The following HNMT variants were observed in gnomAD, a reference collection of about 807,000 sequenced individuals.
The protein encoded by HNMT is histamine N-methyltransferase.
In HNMT, 30 loss-of-function variants were observed where a neutral mutation model predicts 32.1. That is an observed-to-expected ratio of 0.93 (90% CI 0.70 to 1.27). The LOEUF is 1.27. Ranked by LOEUF, HNMT falls within the 50% of genes most tolerant of loss-of-function variation. The probability of loss-of-function intolerance (pLI) is 0.00; values close to 1 mark genes in which losing one functional copy is unlikely to be tolerated. For synonymous variants in HNMT, 125 were observed against 119.0 expected (o/e 1.05, Z -0.33); for missense variants, 327 against 346.0 (o/e 0.95, Z 0.43).
rs1309367246 is a variant in HNMT, at chr2:137,989,618, G to C, written c.191-11300G>C. Among the ~76,000 whole-genome samples, 3 of 152,312 alleles carry C rather than the reference G, an allele frequency of 2.0e-5. No individual in the cohort carries two copies. The East Asian group carries it at 5.8e-4, about 29-fold the overall frequency. On this transcript the variant is annotated intron_variant, in intron 2 of 5. Transcript: ENST00000280097. ...AACTCCTTTGGGTAGAAACCAAGGA[G>C]CTTGATTACTGAATCATATGGTAAG... is the stretch of plus-strand genomic sequence containing the variant.
rs758713610 is a variant in HNMT, at chr2:138,000,935, A to C, written c.208A>C (p.Ile70Leu). Reference protein sequence around the residue: ...GGGAGEIDLQILSKVQAQYPG... With the variant: ...GGGAGEIDLQLLSKVQAQYPG... ...TCTTCTAGGTGAAATTGATCTTCAA[A>C]TTCTCTCCAAAGTTCAGGCTCAATA... The change falls in exon 3 of 6, where the codon ATT becomes CTT. Residue 70 changes from isoleucine (I) to leucine (L), a missense_variant. By Grantham distance (5) the Ile-to-Leu change is conservative. Coordinates refer to ENST00000280097, the MANE Select transcript of HNMT (RefSeq NM_006895.3). 5.6e-6 allele frequency: 9 copies of C among 1,601,510 alleles called. No homozygotes were observed. Among genetic ancestry groups the C allele is most frequent in the Non-Finnish European group, 7.7e-6 (9 of 1,172,582 alleles).
intron 2 of HNMT, among the ~76,000 whole-genome samples, chr2:137,995,958 A>T (rs781465166): frequency 1.3e-5 from 2 of 152,224 alleles, no homozygotes; most frequent in Non-Finnish European, 2.9e-5. Context: ...GCCTTTGATA[A>T]AATTAAACTA....
chr2:137,987,074 C>G (rs1009800054), intron 2 of HNMT, among the ~76,000 whole-genome samples: 4 of 152,198 alleles, frequency 2.6e-5, no homozygotes, highest in Non-Finnish European at 5.9e-5. Context: ...AAAATTATTT[C>G]TCTATTTGTC....
At chr2:137,993,879 G>GA (rs886460494) in intron 2 of HNMT, among the ~76,000 whole-genome samples, 36 of 149,508 alleles carry the variant, frequency 2.4e-4, no homozygotes, top group African/African-American at 7.1e-4. Flanking sequence ...CATTCTTAAA[G>GA]AAAAAAAAAA....
In HNMT at chr2:138,005,144, G is replaced by A. The variant is rs1219017531; in HGVS notation, c.442G>A (p.Val148Ile). Residue 148 changes from valine (V) to isoleucine (I), a missense_variant, in exon 5 of 6, where the codon GTA (valine) becomes ATA (isoleucine). Val to Ile is a conservative substitution (Grantham distance 29, BLOSUM62 3). Coordinates refer to ENST00000280097, the MANE Select transcript of HNMT (RefSeq NM_006895.3). ...TCCTCCTTTCTAGATGCTGTATTAT[G>A]TAAAAGACATCCCAGCTACCCTGAA... ...FIHMIQMLYYVKDIPATLKFF... is the reference protein window; with the variant it reads ...FIHMIQMLYYIKDIPATLKFF... The A allele has an allele frequency of 3.2e-6, 5 of 1,576,434 alleles. No homozygotes were observed. Among genetic ancestry groups the A allele is most frequent in the Non-Finnish European group, 4.4e-6 (5 of 1,146,422 alleles).
chr2:137,977,972 C>G (rs911203269), intron 2 of HNMT, among the ~76,000 whole-genome samples: 1 of 152,062 alleles, frequency 6.6e-6, no homozygotes, highest in African/African-American at 2.4e-5. Context: ...CTTGCCAGTC[C>G]AGGAGGGCTG....
intron 2 of HNMT, chr2:137,981,171 G>T: frequency 6.3e-7 from 1 of 1,576,966 alleles, no homozygotes; most frequent in Non-Finnish European, 8.6e-7. Flanking sequence ...CGAATGGCAG[G>T]AGATATGGCC....
chr2:137,990,289 A>AT (rs905927524), intron 2 of HNMT, among the ~76,000 whole-genome samples: 2 of 152,058 alleles, frequency 1.3e-5, no homozygotes, highest in South Asian at 4.1e-4. Context: ...GTCTAGATTC[A>AT]TTTTTTTGCA....
rs369644417 is a variant in HNMT at position 137,964,618 on chromosome 2, A to G, written c.127A>G (p.Ile43Val). ...QEFMDKKLPG[I>V]IGRIGDTKSE... ...ATTCATGGACAAGAAGCTGCCAGGC[A>G]TAATAGGAAGGTAACAAAAGGGACG... Residue 43 changes from isoleucine to valine, a missense_variant, in exon 1 of 6, where the codon ATA becomes GTA. Coordinates refer to ENST00000280097, the MANE Select transcript of HNMT (RefSeq NM_006895.3). 8 of 1,613,904 alleles carry G rather than the reference A, an allele frequency of 5.0e-6. No homozygotes were observed. Among genetic ancestry groups the G allele is most frequent in the Non-Finnish European group, 6.8e-6 (8 of 1,179,798 alleles).
At chr2:137,992,141 A>G (rs1476298452) in intron 2 of HNMT, among the ~76,000 whole-genome samples, 1 of 152,160 alleles carries the variant, frequency 6.6e-6, no homozygotes, top group Non-Finnish European at 1.5e-5. Context: ...GTCCCAACCC[A>G]GGAATGCACA....
chr2:137,992,557 C>T (rs899797525), intron 2 of HNMT, among the ~76,000 whole-genome samples: 1 of 152,176 alleles, frequency 6.6e-6, no homozygotes, highest in Non-Finnish European at 1.5e-5. Flanking sequence ...ACAGAACCTG[C>T]ATCTCCCTGG....
intron 2 of HNMT, among the ~76,000 whole-genome samples, chr2:137,973,541 T>C (rs1425012230): frequency 6.6e-6 from 1 of 152,218 alleles, no homozygotes; most frequent in Non-Finnish European, 1.5e-5. Flanking sequence ...TCAGCTCCTG[T>C]AATGTATCTC....
intron 2 of HNMT, among the ~76,000 whole-genome samples, chr2:137,974,563 C>T (rs973253370): frequency 3.9e-5 from 6 of 152,144 alleles, no homozygotes; most frequent in African/African-American, 7.2e-5. Flanking sequence ...AAAGCAGTCA[C>T]GGCCAATGTG....
intron 1 of HNMT, among the ~76,000 whole-genome samples, chr2:137,965,443 A>AT (rs545408475): frequency 2.0e-5 from 3 of 152,268 alleles, no homozygotes; most frequent in Admixed American, 2.0e-4. Flanking sequence ...GGAAAGTGGT[A>AT]TTTTATCTTT....
At chr2:137,981,849 C>G (rs535787700) in intron 2 of HNMT, among the ~76,000 whole-genome samples, 1 of 151,984 alleles carries the variant, frequency 6.6e-6, no homozygotes. Flanking sequence ...CAGGCTTCTT[C>G]TTATTATTAT....
At chr2:137,991,567 A>G (rs1680815079) in intron 2 of HNMT, among the ~76,000 whole-genome samples, 1 of 152,214 alleles carries the variant, frequency 6.6e-6, no homozygotes, top group Admixed American at 6.5e-5. Flanking sequence ...ATTATAATAA[A>G]AGACTATTAA....
intron 3 of HNMT, 85 bp from the exon 4 acceptor site, chr2:138,001,979 T>C: frequency 9.6e-7 from 1 of 1,038,528 alleles, no homozygotes; most frequent in East Asian, 2.7e-5. Context: ...GTATATAACA[T>C]TGATTGCATT....
intron 2 of HNMT, chr2:137,991,971 A>C (rs1408147417): frequency 6.6e-6 from 1 of 152,186 alleles, no homozygotes; most frequent in African/African-American, 2.4e-5. Flanking sequence ...GAGAAAGAAG[A>C]ACAGTGTGGT....
rs183434964 is a variant in HNMT at position 137,972,582 on chromosome 2, G to A, written c.190+2365G>A. Among the ~76,000 whole-genome samples the A allele has an allele frequency of 1.2e-4, 18 of 152,132 alleles. No homozygotes were observed. The East Asian group carries it at 2.1e-3, about 18-fold the overall frequency. ...ATTGTCATGAACAATACCATAGAGG[G>A]TATTTAAGCTAAAATACTTTATTAT... On this transcript the variant is annotated intron_variant, in intron 2 of 5. Transcript: ENST00000280097.
Sources: gnomAD v4.1 joint callset for allele counts (sites outside exome capture counted in the v4.1 genomes callset) on GRCh38, gnomAD v4.1.1 for gene constraint, MANE v1.5 for transcripts, NCBI Gene and HGNC (gene_info 2026-07-23, HGNC 2026-07-21) for gene names.